Variants in BTNL3 observed in about 807,000 individuals in gnomAD.
The protein encoded by BTNL3 is butyrophilin like 3.
BTNL3 carries 20 observed loss-of-function variants against 40.1 expected under a neutral mutation model. The observed-to-expected ratio is 0.50, with a 90% CI of 0.35 to 0.72. The LOEUF (loss-of-function observed/expected upper bound fraction) is 0.72. Ranked by LOEUF, BTNL3 falls within the 30% of genes least tolerant of loss-of-function variation. The pLI is 0.01. For missense variants in BTNL3, 449 were observed against 582.2 expected (o/e 0.77, Z 2.35); for synonymous variants, 179 against 222.1 (o/e 0.81, Z 1.73).
rs554243308 is a variant in BTNL3 at position 181,002,540 on chromosome 5, C to A, written c.674-132C>A. 27 of 666,820 alleles carry A rather than the reference C, an allele frequency of 4.0e-5. 6 individuals carry two copies. In the African/African-American group the frequency reaches 4.9e-4, roughly 12 times the overall value. The allele number at this position is 666,820 out of a possible 1,614,324, so 41.3% of individuals were successfully genotyped here. On this transcript the variant is annotated intron_variant, in intron 3 of 7. Transcript: ENST00000342868. The stretch of plus-strand genomic sequence containing the variant: ...ATGGATCAAGATGTTTATAGAAATG[C>A]AAAGCTTTAAATCTGTGGAAGAAAT...
At position 180,994,504 on chromosome 5, in the gene BTNL3, C is replaced by T. The variant is rs532906747; in HGVS notation, c.397+1344C>T. Among the ~76,000 whole-genome samples, 13 of 136,496 alleles carry T rather than the reference C, an allele frequency of 9.5e-5. No individual in the cohort carries two copies. The South Asian group carries it at 2.8e-3, about 30-fold the overall frequency. 89.5% of individuals were successfully genotyped at this position (136,496 alleles called of 152,430 possible). On this transcript the variant is annotated intron_variant, in intron 2 of 7. Coordinates refer to ENST00000342868, the MANE Select transcript of BTNL3 (RefSeq NM_197975.3). ...GAAATTTAATTATGATCTATCAAGG[C>T]ATGGGTTTCTTTACATTTCTCCTAT...
chr5:180,996,547 C>A (rs1485978167), intron 2 of BTNL3, among the ~76,000 whole-genome samples: 1 of 136,770 alleles, frequency 7.3e-6, no homozygotes, highest in Non-Finnish European at 1.7e-5. Context: ...TTGCCTTGTG[C>A]CTTTTTCAGA....
chr5:181,002,504 A>G (rs1760139842), intron 3 of BTNL3, among the ~76,000 whole-genome samples, 168 bp from the exon 4 acceptor site: 1 of 104,462 alleles, frequency 9.6e-6, no homozygotes. Flanking sequence ...ATATATATAT[A>G]TGAAATCCGG....
In BTNL3 at chr5:181,006,525, A is replaced by G. The variant is rs1760237288; in HGVS notation, c.*653A>G. ...CAGGCAAAGAAAACAGAAGAAGAGGAAGGAAAACTACAGGTCCATATCCCT... is the reference window on the plus strand; with the variant it reads ...CAGGCAAAGAAAACAGAAGAAGAGGGAGGAAAACTACAGGTCCATATCCCT... On this transcript the variant is annotated 3_prime_UTR_variant, in exon 8 of 8. Transcript: ENST00000342868. 1 of 152,558 alleles carries G rather than the reference A, an allele frequency of 6.6e-6. No homozygotes were observed. Among genetic ancestry groups the G allele is most frequent in the Non-Finnish European group, 1.5e-5 (1 of 68,220 alleles). 9.5% of individuals were successfully genotyped at this position (152,558 alleles called of 1,614,324 possible).
intron 1 of BTNL3, among the ~76,000 whole-genome samples, chr5:180,991,560 C>T (rs1444871191): frequency 7.3e-6 from 1 of 136,474 alleles, no homozygotes. Context: ...TAGTTGACCA[C>T]AAAACCAAGA....
intron 2 of BTNL3, among the ~76,000 whole-genome samples, chr5:180,993,500 C>T (rs1759999594): frequency 7.3e-6 from 1 of 136,972 alleles, no homozygotes; most frequent in African/African-American, 2.5e-5. Flanking sequence ...TTGTGTGTTA[C>T]TAAACTTTTT....
In BTNL3 at chr5:181,005,593, C is replaced by G; in HGVS notation, c.1122C>G (p.Asn374Lys). The change falls in exon 8 of 8, where the codon AAC becomes AAG. Residue 374 changes from asparagine to lysine, a missense_variant. Around this residue, in one of 2 missense-constraint regions of BTNL3, gnomAD observed 126 missense variants for 117.2 expected, o/e 1.07. Coordinates refer to ENST00000342868, the MANE Select transcript of BTNL3 (RefSeq NM_197975.3). The part of the protein sequence containing the change: ...RGKNNVTLSP[N>K]NGYWVLRLTT... ...AGAACAATGTGACTTTGTCTCCCAA[C>G]AATGGGTATTGGGTCCTCAGACTGA... 1 of 1,614,024 alleles carries G rather than the reference C, an allele frequency of 6.2e-7. No individual in the cohort carries two copies. The highest frequency in any genetic ancestry group is 8.5e-7 in the Non-Finnish European group (1 of 1,179,990).
intron 2 of BTNL3, among the ~76,000 whole-genome samples, chr5:180,994,943 G>A (rs899188592): frequency 7.4e-6 from 1 of 134,632 alleles, no homozygotes; most frequent in Non-Finnish European, 1.7e-5. Flanking sequence ...CTGCCACCAC[G>A]CCCGGCTAAT....
At chr5:180,996,773 C>T (rs1760039104) in intron 2 of BTNL3, among the ~76,000 whole-genome samples, 1 of 136,536 alleles carries the variant, frequency 7.3e-6, no homozygotes, top group African/African-American at 2.5e-5. Context: ...TGTGCCTTTC[C>T]CTGACAGTTA....
In BTNL3 at chr5:181,005,704, G is replaced by A. The variant is rs371330857; in HGVS notation, c.1233G>A (p.Leu411=). The stretch of plus-strand genomic sequence containing the variant: ...CTCCTACACGAGTAGGGGTCTTCCT[G>A]GACTATGAGGGTGGGACCATCTCCT... ...STPPTRVGVF[L]DYEGGTISFF... is the part of the protein sequence containing the mutation. Residue 411 remains leucine, a synonymous_variant, in exon 8 of 8, where the codon CTG becomes CTA. Coordinates refer to ENST00000342868, the MANE Select transcript of BTNL3 (RefSeq NM_197975.3). The A allele has an allele frequency of 9.0e-5, 146 of 1,613,942 alleles. No homozygotes were observed. The highest frequency in any genetic ancestry group is 1.0e-4 in the Non-Finnish European group (118 of 1,180,010).
chr5:181,005,355 A>G lies in BTNL3; in HGVS notation c.884A>G (p.Glu295Gly), dbSNP rs113196184. The G allele has an allele frequency of 6.2e-7, 1 of 1,611,846 alleles. No individual in the cohort carries two copies. The highest frequency in any genetic ancestry group is 1.3e-5 in the African/African-American group (1 of 74,804). The change falls in exon 8 of 8, where the codon GAG (glutamate) becomes GGG (glycine). Residue 295 changes from glutamate to glycine, a missense_variant. Coordinates refer to ENST00000342868, the MANE Select transcript of BTNL3 (RefSeq NM_197975.3). ...CCAGTGGAGGTGACTCTGGATCCAG[A>G]GACGGCTCACCCGAAGCTCTGCGTT... ...KHAVEVTLDP[E>G]TAHPKLCVSD... is the part of the protein sequence containing the mutation.
chr5:181,005,599 G>A lies in BTNL3; in HGVS notation c.1128G>A (p.Gly376=). The A allele has an allele frequency of 6.2e-6, 10 of 1,613,986 alleles. No individual in the cohort carries two copies. The highest frequency in any genetic ancestry group is 8.5e-6 in the Non-Finnish European group (10 of 1,179,984). ...ATGTGACTTTGTCTCCCAACAATGG[G>A]TATTGGGTCCTCAGACTGACAACAG... The part of the protein sequence containing the change: ...KNNVTLSPNN[G]YWVLRLTTEH... The change falls in exon 8 of 8, where the codon GGG becomes GGA. Residue 376 remains glycine (G), a synonymous_variant. Transcript: ENST00000342868.
At position 181,005,770 on chromosome 5, in the gene BTNL3, G is replaced by A; in HGVS notation, c.1299G>A (p.Leu433=). The A allele has an allele frequency of 6.2e-7, 1 of 1,614,104 alleles. No homozygotes were observed. The highest frequency in any genetic ancestry group is 8.5e-7 in the Non-Finnish European group (1 of 1,180,014). Residue 433 remains leucine, a synonymous_variant, in exon 8 of 8, where the codon CTG becomes CTA. Coordinates refer to ENST00000342868, the MANE Select transcript of BTNL3 (RefSeq NM_197975.3). ...ACCAGTCCCTTATTTATACCCTGCT[G>A]ACATGTCAGTTTGAAGGCTTGTTGA... ...TNDQSLIYTL[L]TCQFEGLLRP... is the part of the protein sequence containing the mutation.
intron 2 of BTNL3, 82 bp from the exon 3 acceptor site, chr5:180,997,131 T>C: frequency 1.4e-6 from 2 of 1,444,636 alleles, no homozygotes; most frequent in Non-Finnish European, 1.9e-6. Flanking sequence ...GTGTTATGGG[T>C]ACAGGCTTGA....
intron 4 of BTNL3, 76 bp from the exon 5 acceptor site, chr5:181,003,780 T>C: frequency 6.2e-7 from 1 of 1,612,368 alleles, no homozygotes; most frequent in Non-Finnish European, 8.5e-7. Flanking sequence ...TCGTCCCACC[T>C]GTGCAAGGAG....
At chr5:180,999,916 A>G (rs1243958364) in intron 3 of BTNL3, among the ~76,000 whole-genome samples, 1 of 137,120 alleles carries the variant, frequency 7.3e-6, no homozygotes, top group Non-Finnish European at 1.7e-5. Flanking sequence ...TCTTCCCACA[A>G]GGAAGACACA....
At position 181,002,717 on chromosome 5, in the gene BTNL3, T is replaced by A; in HGVS notation, c.719T>A (p.Leu240His). 6.9e-7 allele frequency: 1 copy of A among 1,456,950 alleles called. No individual in the cohort carries two copies. The highest frequency in any genetic ancestry group is 9.5e-7 in the Non-Finnish European group (1 of 1,055,906). The allele number at this position is 1,456,950 out of a possible 1,614,324, so 90.3% of individuals were successfully genotyped here. ...CCTTGGCGCCTGGCTTCTATTTTAC[T>A]CGGGTTACTCTGTGGTGCCCTGTGT... The part of the protein sequence containing the change: ...PSPWRLASIL[L>H]GLLCGALCGV... The change falls in exon 4 of 8, where the codon CTC (leucine) becomes CAC (histidine). Residue 240 changes from leucine (L) to histidine (H), a missense_variant. Physicochemically the swap from Leu to His is moderately conservative, Grantham distance 99 (BLOSUM62 -3). Around this residue, in one of 2 missense-constraint regions of BTNL3, gnomAD observed 323 missense variants for 464.9 expected, o/e 0.69. Coordinates refer to ENST00000342868, the MANE Select transcript of BTNL3 (RefSeq NM_197975.3).
chr5:181,003,818 T>G, intron 4 of BTNL3, 38 bp from the exon 5 acceptor site: 1 of 1,614,116 alleles, frequency 6.2e-7, no homozygotes, highest in Non-Finnish European at 8.5e-7. Context: ...CCTTGCACAC[T>G]CCTGTGTCCA....
At position 180,995,223 on chromosome 5, in the gene BTNL3, A is replaced by G. The variant is rs1760021132; in HGVS notation, c.398-1990A>G. 1.5e-5 allele frequency among the ~76,000 whole-genome samples: 2 copies of G among 136,582 alleles called. 1 individual carries two copies. The highest frequency in any genetic ancestry group is 1.5e-4 in the Admixed American group (2 of 12,914). 89.6% of individuals were successfully genotyped at this position (136,582 alleles called of 152,430 possible). ...TGGTTTTTGTTTTTTAAATTTTTTG[A>G]GAGAATTCATAATTGCTTTTTGAAA... On this transcript the variant is annotated intron_variant, in intron 2 of 7. Transcript: ENST00000342868.
Sources: allele counts gnomAD v4.1 joint callset (sites outside exome capture counted in the v4.1 genomes callset), GRCh38; gene constraint gnomAD v4.1.1; regional missense constraint gnomAD v4.1.1; transcripts MANE v1.5; gene names NCBI Gene and HGNC (gene_info 2026-07-23, HGNC 2026-07-21).